USH2A: variants seen among roughly 807,000 people sequenced by gnomAD.
USH2A encodes usherin.
A neutral mutation model predicts 538.9 loss-of-function variants in USH2A; 443 were observed. The ratio of observed to expected loss-of-function variants is 0.82; its 90% confidence interval spans 0.76 to 0.89. The LOEUF is 0.89. Ranked by LOEUF, USH2A falls within the 40% of genes least tolerant of loss-of-function variation. The probability of loss-of-function intolerance (pLI) is 0.00; values close to 1 mark genes in which losing one functional copy is unlikely to be tolerated. For synonymous variants in USH2A, 2,413 were observed against 2,273.5 expected, an observed-to-expected ratio of 1.06 and a Z score of -1.75; for missense variants, 6,633 against 6,324.8, an observed-to-expected ratio of 1.05 and a Z score of -1.65.
rs144884183 is a variant in USH2A, at chr1:215,640,575, G to C, written c.14951C>G (p.Pro4984Arg). 1.2e-6 allele frequency: 2 copies of C among 1,613,764 alleles called. No homozygotes were observed. The highest frequency in any genetic ancestry group is 1.3e-5 in the African/African-American group (1 of 74,836). ...AAACTAACTTTTGTCCGCCGTTCTC[G>C]GTATGTAGAGGGTGGTGTCCAAGCC... is the stretch of plus-strand genomic sequence containing the variant. ...YSGLDTTLYI[P>R]RTADKTFFFQ... The change falls in exon 68 of 72, where the codon CCG (proline) becomes CGG (arginine). Residue 4984 changes from proline (P) to arginine (R), a missense_variant. Coordinates refer to ENST00000307340, the MANE Select transcript of USH2A (RefSeq NM_206933.4).
chr1:215,864,061 T>G (rs1226028213), intron 44 of USH2A, among the ~76,000 whole-genome samples: 1 of 152,202 alleles, frequency 6.6e-6, no homozygotes, highest in Non-Finnish European at 1.5e-5. Context: ...TGAATCAGCT[T>G]CAAAGGAGGC....
chr1:215,680,372 G>A lies in USH2A; in HGVS notation c.12071C>T (p.Thr4024Ile). ...CCCGTACAGGTGGGCTTGATGGCTT[G>A]TTCCCTGTAAGAAAATTAACAGGTT... is the stretch of plus-strand genomic sequence containing the variant. Reference protein sequence around the residue: ...PTVHAFTVKGTSHQAHLYGLE... With the variant: ...PTVHAFTVKGISHQAHLYGLE... The change falls in exon 62 of 72, where the codon ACA becomes ATA. Residue 4024 changes from threonine (T) to isoleucine (I), a missense_variant. Transcript: ENST00000307340. 6.2e-7 allele frequency: 1 copy of A among 1,611,684 alleles called. No homozygotes were observed. The highest frequency in any genetic ancestry group is 8.5e-7 in the Non-Finnish European group (1 of 1,179,558).
intron 36 of USH2A, among the ~76,000 whole-genome samples, chr1:215,968,822 G>C (rs1416653610): frequency 1.3e-5 from 2 of 152,120 alleles, no homozygotes; most frequent in Non-Finnish European, 2.9e-5. Flanking sequence ...GCTCTATTTA[G>C]ATGAATATCT....
chr1:216,361,486 A>G (rs960269281), intron 4 of USH2A, among the ~76,000 whole-genome samples: 31 of 152,198 alleles, frequency 2.0e-4, no homozygotes. Context: ...CCAGAAGACC[A>G]TATTTGCTAT....
At chr1:215,776,588 C>T (rs115131773) in intron 55 of USH2A, among the ~76,000 whole-genome samples, 303 of 152,250 alleles carry the variant, frequency 2.0e-3, no homozygotes, top group African/African-American at 7.2e-3. Context: ...TCCAGGACGA[C>T]TAGTGCTACA....
At chr1:216,052,424 G>C (rs959315975) in intron 30 of USH2A, among the ~76,000 whole-genome samples, 2 of 151,554 alleles carry the variant, frequency 1.3e-5, no homozygotes, top group Admixed American at 6.6e-5. Context: ...GCCAACTTTG[G>C]ATCAAAGATG....
chr1:215,934,860 A>G, intron 37 of USH2A, 65 bp from the exon 38 acceptor site: 1 of 1,461,352 alleles, frequency 6.8e-7, no homozygotes, highest in Non-Finnish European at 9.3e-7. Flanking sequence ...CTATTATTTG[A>G]GTATTTTCTT....
chr1:216,413,695 C>A (rs2039530210), intron 3 of USH2A, among the ~76,000 whole-genome samples: 1 of 152,030 alleles, frequency 6.6e-6, no homozygotes, highest in South Asian at 2.1e-4. Flanking sequence ...CTAGAGTCAT[C>A]TATGGCTCTT....
intron 9 of USH2A, among the ~76,000 whole-genome samples, chr1:216,318,424 C>G (rs1204859070): frequency 6.6e-6 from 1 of 152,112 alleles, no homozygotes; most frequent in Admixed American, 6.6e-5. Context: ...ATATGTAAGT[C>G]TCTACTTGTA....
At chr1:215,984,995 A>C (rs1033817055) in intron 35 of USH2A, among the ~76,000 whole-genome samples, 1 of 152,190 alleles carries the variant, frequency 6.6e-6, no homozygotes, top group African/African-American at 2.4e-5. Flanking sequence ...ACGGAATCTA[A>C]AAAAGACTGT....
chr1:216,162,450 T>G (rs2034078304), intron 21 of USH2A, among the ~76,000 whole-genome samples: 1 of 152,114 alleles, frequency 6.6e-6, no homozygotes, highest in African/African-American at 2.4e-5. Context: ...TATTTTGAAG[T>G]CTTTGTCTGC....
chr1:215,732,548 T>C (rs867520331), intron 60 of USH2A, among the ~76,000 whole-genome samples: 255 of 24,084 alleles, frequency 0.011, 3 homozygotes, highest in South Asian at 0.092. Context: ...TTCTTTCTTT[T>C]TTTTTTTTTT....
At chr1:215,663,201 C>T (rs1432241812) in intron 64 of USH2A, among the ~76,000 whole-genome samples, 1 of 152,088 alleles carries the variant, frequency 6.6e-6, no homozygotes, top group African/African-American at 2.4e-5. Context: ...ATGTCTTAAC[C>T]TGGCTTTTTT....
intron 37 of USH2A, among the ~76,000 whole-genome samples, chr1:215,944,411 G>C (rs1444519919): frequency 6.6e-6 from 1 of 151,512 alleles, no homozygotes; most frequent in Non-Finnish European, 1.5e-5. Flanking sequence ...CCAGTTTCTA[G>C]AATGATTCTC....
Position 215,712,352 on chromosome 1 carries a change from G to A in USH2A, c.12066+15678C>T, listed in dbSNP as rs77283539. 5.2e-3 allele frequency among the ~76,000 whole-genome samples: 790 copies of A among 152,298 alleles called. 7 individuals carry two copies. Among genetic ancestry groups the A allele is most frequent in the African/African-American group, 0.018 (751 of 41,546 alleles). On this transcript the variant is annotated intron_variant, in intron 61 of 71. Transcript: ENST00000307340. ...AAGAGTGATTTGTTCTTTCCCTCAAGTTCTTTCCTGCCTCTTTTAGCATCT... is the reference window on the plus strand; with the variant it reads ...AAGAGTGATTTGTTCTTTCCCTCAAATTCTTTCCTGCCTCTTTTAGCATCT...
At chr1:216,247,913 G>A (rs370999314) in intron 12 of USH2A, among the ~76,000 whole-genome samples, 10 of 151,864 alleles carry the variant, frequency 6.6e-5, no homozygotes, top group Admixed American at 2.6e-4. Flanking sequence ...TTATACCTTC[G>A]TGAAGCTGGG....
At chr1:215,764,195 G>A (rs955028009) in intron 56 of USH2A, among the ~76,000 whole-genome samples, 7 of 152,032 alleles carry the variant, frequency 4.6e-5, no homozygotes, top group African/African-American at 1.4e-4. Context: ...GCCAGTACTC[G>A]AAAATTCCAG....
chr1:216,312,024 T>C (rs1271254307), intron 9 of USH2A, among the ~76,000 whole-genome samples: 1 of 152,166 alleles, frequency 6.6e-6, no homozygotes, highest in African/African-American at 2.4e-5. Context: ...AAATCTGAGT[T>C]TTCTGACCTG....
intron 61 of USH2A, among the ~76,000 whole-genome samples, chr1:215,714,335 AGGCTTTAGTGGTAG>A (rs990766784): frequency 1.3e-5 from 2 of 152,196 alleles, no homozygotes; most frequent in African/African-American, 4.8e-5. Context: ...AGGCCAGGTA[AGGCTTTAGTGGTAG>A]TAACTTTTCA....
Sources: allele counts gnomAD v4.1 joint callset (sites outside exome capture counted in the v4.1 genomes callset), GRCh38; gene constraint gnomAD v4.1.1; transcripts MANE v1.5; gene names NCBI Gene and HGNC (gene_info 2026-07-23, HGNC 2026-07-21).